Variants in TULP4 observed in about 807,000 individuals in gnomAD.
TULP4 encodes the protein TUB like protein 4, also known as tubby-related protein 4.
In TULP4, 16 loss-of-function variants were observed where a neutral mutation model predicts 129.0. The observed-to-expected ratio is 0.12, with a 90% CI of 0.08 to 0.19. TULP4 has a LOEUF of 0.19. Among genes scored for constraint, TULP4 ranks in the 10% least tolerant of loss-of-function variants. The probability of loss-of-function intolerance (pLI) is 1.00; values close to 1 mark genes in which losing one functional copy is unlikely to be tolerated. For synonymous variants in TULP4, 998 were observed against 854.0 expected (o/e 1.17, Z -2.94); for missense variants, 1,842 against 2,059.1 (o/e 0.89, Z 2.04).
intron 6 of TULP4, among the ~76,000 whole-genome samples, chr6:158,474,932 A>T (rs1190016305): frequency 1.3e-5 from 2 of 152,240 alleles, no homozygotes; most frequent in African/African-American, 2.4e-5. Context: ...CCACGCCAGG[A>T]TGTAAGCTCT....
chr6:158,399,534 G>C (rs1211756036), intron 1 of TULP4, among the ~76,000 whole-genome samples: 2 of 152,206 alleles, frequency 1.3e-5, no homozygotes, highest in Non-Finnish European at 2.9e-5. Flanking sequence ...ACTTGAGTTA[G>C]AATCAGTGAA....
At chr6:158,430,834 A>G (rs1214795666) in intron 3 of TULP4, among the ~76,000 whole-genome samples, 2 of 152,240 alleles carry the variant, frequency 1.3e-5, no homozygotes, top group Non-Finnish European at 2.9e-5. Context: ...CAGAATACAT[A>G]TAATGCCAGA....
intron 1 of TULP4, among the ~76,000 whole-genome samples, chr6:158,287,723 A>G (rs765795728): frequency 5.3e-5 from 8 of 152,232 alleles, no homozygotes. Context: ...TGGGATGAGC[A>G]TTGTACTTGG....
Position 158,478,942 on chromosome 6 carries a change from T to G in TULP4, c.1027-809T>G, listed in dbSNP as rs141085644. Among the ~76,000 whole-genome samples, 943 of 152,268 alleles carry G rather than the reference T, an allele frequency of 6.2e-3. 12 individuals carry two copies. The highest frequency in any genetic ancestry group is 0.021 in the African/African-American group (864 of 41,556). ...AATCGCCTTTCCAGGGAGCTTTCTT[T>G]CCCTGCACCGTCAGTGCCAAGGGAG... is the stretch of plus-strand genomic sequence containing the variant. On this transcript the variant is annotated intron_variant, in intron 6 of 13. Coordinates refer to ENST00000367097, the MANE Select transcript of TULP4 (RefSeq NM_020245.5).
chr6:158,247,936 A>G (rs533589672), intron 1 of TULP4, among the ~76,000 whole-genome samples: 17 of 152,316 alleles, frequency 1.1e-4, no homozygotes, highest in Non-Finnish European at 2.1e-4. Flanking sequence ...TTAAGCTTCA[A>G]ATGACCCTCT....
At chr6:158,295,531 T>C (rs1412836710) in intron 1 of TULP4, among the ~76,000 whole-genome samples, 1 of 151,800 alleles carries the variant, frequency 6.6e-6, no homozygotes, top group Non-Finnish European at 1.5e-5. Context: ...GCATATGTTA[T>C]AAAGTGTATA....
chr6:158,409,548 TG>T, intron 1 of TULP4, among the ~76,000 whole-genome samples: 1 of 152,292 alleles, frequency 6.6e-6, no homozygotes, highest in African/African-American at 2.4e-5. Flanking sequence ...AGAACCCAGC[TG>T]GCCCCCAGCT....
chr6:158,297,169 G>A (rs1779050043), intron 1 of TULP4, among the ~76,000 whole-genome samples: 1 of 152,038 alleles, frequency 6.6e-6, no homozygotes, highest in Admixed American at 6.5e-5. Context: ...TCTTTTCCTA[G>A]GGTCTTAATA....
intron 11 of TULP4, among the ~76,000 whole-genome samples, chr6:158,498,346 C>A (rs1780374095): frequency 6.6e-6 from 1 of 152,208 alleles, no homozygotes; most frequent in South Asian, 2.1e-4. Flanking sequence ...TGTTTTTATA[C>A]CCTAGCTTAT....
Position 158,394,716 on chromosome 6 carries a change from G to A in TULP4, c.253-18349G>A, listed in dbSNP as rs143037703. On this transcript the variant is annotated intron_variant, in intron 1 of 13. Coordinates refer to ENST00000367097, the MANE Select transcript of TULP4 (RefSeq NM_020245.5). The stretch of plus-strand genomic sequence containing the variant: ...GCAGGAGAATGGCGTGAACCCGGGA[G>A]GCGGAGCTTGCAGTGAACCCAGATT... Among the ~76,000 whole-genome samples the A allele has an allele frequency of 2.0e-3, 287 of 145,180 alleles. 1 individual carries two copies. Among genetic ancestry groups the A allele is most frequent in the African/African-American group, 7.0e-3 (276 of 39,502 alleles).
chr6:158,485,211 T>G (rs1274184665), intron 8 of TULP4, among the ~76,000 whole-genome samples: 1 of 152,194 alleles, frequency 6.6e-6, no homozygotes, highest in African/African-American at 2.4e-5. Context: ...AGCAAAGTGT[T>G]GAAGGAGCAG....
At chr6:158,453,137 G>A (rs747334572) in intron 5 of TULP4, among the ~76,000 whole-genome samples, 13 of 152,088 alleles carry the variant, frequency 8.5e-5, no homozygotes, top group Non-Finnish European at 1.3e-4. Context: ...CGCTACTGCT[G>A]CTTGCCTGAA....
chr6:158,278,978 C>T (rs1348711844), upstream of TULP4, among the ~76,000 whole-genome samples: 4 of 144,824 alleles, frequency 2.8e-5, no homozygotes, highest in African/African-American at 7.6e-5. Context: ...CTCATTCTGT[C>T]CCCCAGGCTG....
intron 1 of TULP4, among the ~76,000 whole-genome samples, chr6:158,382,380 G>C (rs527344445): frequency 5.9e-5 from 9 of 152,098 alleles, no homozygotes; most frequent in Non-Finnish European, 1.5e-5. Context: ...TTTTCTCATC[G>C]TTGTAATTGC....
chr6:158,448,585 C>G (rs1779102641), intron 3 of TULP4, among the ~76,000 whole-genome samples: 1 of 152,096 alleles, frequency 6.6e-6, no homozygotes, highest in African/African-American at 2.4e-5. Context: ...TAAACCTAAG[C>G]TTTTTCTTCT....
chr6:158,485,669 G>C (rs1261357202), intron 8 of TULP4, among the ~76,000 whole-genome samples: 1 of 152,256 alleles, frequency 6.6e-6, no homozygotes, highest in Non-Finnish European at 1.5e-5. Context: ...CAGAGCCATG[G>C]GGGCAGGATC....
chr6:158,443,990 T>C (rs13203482), intron 3 of TULP4, among the ~76,000 whole-genome samples: 25,323 of 151,694 alleles, frequency 0.17, 3,285 homozygotes, highest in African/African-American at 0.36. Flanking sequence ...GGGGCCAGGG[T>C]GGGCGGATCA....
intron 1 of TULP4, among the ~76,000 whole-genome samples, chr6:158,287,595 C>T (rs1778854359): frequency 6.6e-6 from 1 of 152,080 alleles, no homozygotes; most frequent in Non-Finnish European, 1.5e-5. Flanking sequence ...GAATGAGCAA[C>T]TTAAGATAGA....
At chr6:158,452,304 C>A (rs762735638) in intron 5 of TULP4, 36 bp downstream of exon 5, 2 of 1,608,100 alleles carry the variant, frequency 1.2e-6, no homozygotes, top group East Asian at 4.5e-5. Flanking sequence ...ACCTGCAGAC[C>A]GGGCCTGTGT....
Sources: gnomAD v4.1 joint callset for allele counts (sites outside exome capture counted in the v4.1 genomes callset) on GRCh38, gnomAD v4.1.1 for gene constraint, MANE v1.5 for transcripts, NCBI Gene and HGNC (gene_info 2026-07-23, HGNC 2026-07-21) for gene names.